MCF2L: variants seen among roughly 807,000 people sequenced by gnomAD.
MCF2L encodes the protein guanine nucleotide exchange factor DBS.
A neutral mutation model predicts 153.4 loss-of-function variants in MCF2L; 97 were observed. The ratio of observed to expected loss-of-function variants is 0.63; its 90% confidence interval spans 0.54 to 0.75. The LOEUF (loss-of-function observed/expected upper bound fraction) is 0.75, where lower values mean the gene tolerates loss of function less well. Among genes scored for constraint, MCF2L ranks in the 30% least tolerant of loss-of-function variants. The probability of loss-of-function intolerance (pLI) is 0.00; values close to 1 mark genes in which losing one functional copy is unlikely to be tolerated. For missense variants in MCF2L, 1,347 were observed against 1,495.2 expected, an observed-to-expected ratio of 0.90 and a Z score of 1.64; for synonymous variants, 659 against 632.2, an observed-to-expected ratio of 1.04 and a Z score of -0.64.
chr13:113,029,513 GGACCGTCCCAGAGGA>G (rs2085511484), intron 3 of MCF2L, among the ~76,000 whole-genome samples: 1 of 152,232 alleles, frequency 6.6e-6, no homozygotes. Flanking sequence ...TTGGCAGAGG[GGACCGTCCCAGAGGA>G]AGTCTCTGCA....
chr13:112,900,477 G>A (rs977456882), intron 1 of MCF2L, among the ~76,000 whole-genome samples: 1 of 152,256 alleles, frequency 6.6e-6, no homozygotes, highest in Non-Finnish European at 1.5e-5. Context: ...GAGCCAGGAC[G>A]TGTAACAAGT....
intron 1 of MCF2L, among the ~76,000 whole-genome samples, chr13:112,988,162 C>G (rs2082725061): frequency 6.6e-6 from 1 of 151,546 alleles, no homozygotes; most frequent in Non-Finnish European, 1.5e-5. Flanking sequence ...TGGCAGCGCA[C>G]ATGTACACAC....
intron 2 of MCF2L, among the ~76,000 whole-genome samples, chr13:112,949,162 C>T (rs2081666317): frequency 6.6e-6 from 1 of 152,214 alleles, no homozygotes; most frequent in South Asian, 2.1e-4. Flanking sequence ...AATTGGACTA[C>T]TTTCTTAAAA....
intron 1 of MCF2L, among the ~76,000 whole-genome samples, chr13:112,992,736 T>A (rs1275383754): frequency 6.6e-6 from 1 of 152,186 alleles, no homozygotes; most frequent in Non-Finnish European, 1.5e-5. Context: ...AACTTACCCT[T>A]CTCCCCTTGG....
rs116296382 is a variant in MCF2L at position 113,031,644 on chromosome 13, C to T, written c.278+6886C>T. Among the ~76,000 whole-genome samples, 2,772 of 151,928 alleles carry T rather than the reference C, an allele frequency of 0.018. 70 individuals are homozygous for T. Among genetic ancestry groups the T allele is most frequent in the African/African-American group, 0.062 (2,580 of 41,402 alleles). Reference sequence around the variant, plus strand: ...AGGGCGGCGGCCCTCAGAGAAGGGACGAGGTGGGAAGCCTGGAGCTTGCTG... The same window carrying T: ...AGGGCGGCGGCCCTCAGAGAAGGGATGAGGTGGGAAGCCTGGAGCTTGCTG... On this transcript the variant is annotated intron_variant, in intron 3 of 29. Coordinates refer to ENST00000535094, the MANE Select transcript of MCF2L (RefSeq NM_001112732.3). This position sits in a 1 kb window ranked among gnomAD's most constrained non-coding sequence, Gnocchi z 5.5.
At chr13:112,985,540 G>A in intron 1 of MCF2L, 1 of 457,930 alleles carries the variant, frequency 2.2e-6, no homozygotes, top group Middle Eastern at 3.3e-4. Flanking sequence ...AGTCGAGGCG[G>A]CCTCTGGGTG....
At position 113,074,570 on chromosome 13, in the gene MCF2L, CG is replaced by C; in HGVS notation, c.1116+11del. 6.2e-7 allele frequency: 1 copy of C among 1,612,538 alleles called. No homozygotes were observed. The highest frequency in any genetic ancestry group is 1.1e-5 in the South Asian group (1 of 91,070). On this transcript the variant is annotated splice_region_variant and intron_variant, in intron 10 of 29. Coordinates refer to ENST00000535094, the MANE Select transcript of MCF2L (RefSeq NM_001112732.3). The surrounding 1 kb of genome is among the most constrained non-coding windows in gnomAD (Gnocchi z 4.2). ...CTTCGAGGAGAAATCAGGCGTAAGGCGGGGTCCCGGCGGGGGCGGCGGGAGA... is the reference window on the plus strand; with the variant it reads ...CTTCGAGGAGAAATCAGGCGTAAGGCGGGTCCCGGCGGGGGCGGCGGGAGA...
Position 113,045,457 on chromosome 13 carries a change from T to C in MCF2L, c.369+96T>C. On this transcript the variant is annotated intron_variant, in intron 4 of 29. Transcript: ENST00000535094. This position sits in a 1 kb window ranked among gnomAD's most constrained non-coding sequence, Gnocchi z 4.2. ...CTCTGTGTCTGCCGCAGTTCCTGCT[T>C]TGTGCTGAGTGGGACAGAGCCCAGT... 2.7e-6 allele frequency: 3 copies of C among 1,101,432 alleles called. No homozygotes were observed. Among genetic ancestry groups the C allele is most frequent in the Non-Finnish European group, 4.1e-6 (3 of 733,648 alleles). The allele number at this position is 1,101,432 out of a possible 1,614,324, so 68.2% of individuals were successfully genotyped here.
At chr13:112,900,957 A>G (rs2081114254) in intron 1 of MCF2L, among the ~76,000 whole-genome samples, 2 of 151,950 alleles carry the variant, frequency 1.3e-5, no homozygotes, top group African/African-American at 4.8e-5. Flanking sequence ...AAAGGGGGAG[A>G]TGTCCCAGCA....
chr13:113,084,871 G>A (rs1003866209), intron 18 of MCF2L, 21 bp from the exon 19 acceptor site: 43 of 1,590,458 alleles, frequency 2.7e-5, no homozygotes, highest in African/African-American at 2.1e-4. Context: ...TGCGTGATGC[G>A]GTGCCTGTCC....
chr13:113,004,791 C>T (rs1463174603), intron 1 of MCF2L, among the ~76,000 whole-genome samples: 2 of 152,234 alleles, frequency 1.3e-5, no homozygotes, highest in African/African-American at 2.4e-5. Context: ...ACACGGACCA[C>T]GCGTGTGTTC....
intron 26 of MCF2L, among the ~76,000 whole-genome samples, chr13:113,092,945 C>T (rs1455882993): frequency 6.6e-6 from 1 of 152,254 alleles, no homozygotes; most frequent in Non-Finnish European, 1.5e-5. Context: ...AGGCCGGCCT[C>T]GCTGCCCCTG....
intron 1 of MCF2L, among the ~76,000 whole-genome samples, chr13:112,898,086 T>G (rs2081085100): frequency 6.6e-6 from 1 of 152,182 alleles, no homozygotes; most frequent in Admixed American, 6.5e-5. Flanking sequence ...CCACCTCTAC[T>G]CCACGTTATT....
At chr13:112,974,466 T>A (rs1252336234) in intron 1 of MCF2L, among the ~76,000 whole-genome samples, 2 of 152,224 alleles carry the variant, frequency 1.3e-5, no homozygotes, top group African/African-American at 4.8e-5. Flanking sequence ...GTTCTGCTGC[T>A]TTTCATAAGC....
intron 25 of MCF2L, 136 bp downstream of exon 25, chr13:113,088,764 T>C: frequency 2.3e-6 from 2 of 874,300 alleles, no homozygotes; most frequent in South Asian, 3.0e-5. Flanking sequence ...CTGGTGTTTA[T>C]GTGCTGACGG....
rs2081809812 is a variant in MCF2L at position 112,960,326 on chromosome 13, C to G, written c.170-54437C>G. Among the ~76,000 whole-genome samples, 1 of 152,198 alleles carries G rather than the reference C, an allele frequency of 6.6e-6. No homozygotes were observed. The highest frequency in any genetic ancestry group is 1.9e-4 in the East Asian group (1 of 5,178). Reference sequence around the variant, plus strand: ...CTCTCACAACTGAAACAGCGCTCGTCCAGTCATGAGGGCAGGGTCCTCAGA... The same window carrying G: ...CTCTCACAACTGAAACAGCGCTCGTGCAGTCATGAGGGCAGGGTCCTCAGA... On this transcript the variant is annotated intron_variant, in intron 2 of 29. Transcript: ENST00000375608. The surrounding 1 kb of genome is among the most constrained non-coding windows in gnomAD (Gnocchi z 4.2).
At chr13:112,915,410 C>CACAAAAAAAAAAAAAAAAAAA (rs1555349857) in intron 2 of MCF2L, among the ~76,000 whole-genome samples, 3 of 86,924 alleles carry the variant, frequency 3.5e-5, no homozygotes, top group African/African-American at 1.6e-4. Flanking sequence ...CTCTGTCTCA[C>CACAAAAAAAAAAAAAAAAAAA]AAAAAAAAAA....
chr13:113,010,255 C>CCCA (rs2084002424), intron 1 of MCF2L: 1 of 152,136 alleles, frequency 6.6e-6, no homozygotes, highest in Non-Finnish European at 1.5e-5. Flanking sequence ...CCTCCCACCC[C>CCCA]GCAACACCCC....
rs1281109099 is a variant in MCF2L at position 112,951,688 on chromosome 13, G to A, written c.169+49317G>A. Among the ~76,000 whole-genome samples, 1 of 152,226 alleles carries A rather than the reference G, an allele frequency of 6.6e-6. No individual in the cohort carries two copies. The highest frequency in any genetic ancestry group is 1.5e-5 in the Non-Finnish European group (1 of 68,042). ...GGGGTGATCTGGGAGGAACATGGGT[G>A]TGTCCAGGAGGGGCCACAAGAGGGT... On this transcript the variant is annotated intron_variant, in intron 2 of 29. Transcript: ENST00000375608. The surrounding 1 kb of genome is among the most constrained non-coding windows in gnomAD (Gnocchi z 4.8).
Sources: gnomAD v4.1 joint callset for allele counts (sites outside exome capture counted in the v4.1 genomes callset) on GRCh38, gnomAD v4.1.1 for gene constraint, Gnocchi (gnomAD v3.1) non-coding constraint, MANE v1.5 for transcripts, NCBI Gene and HGNC (gene_info 2026-07-23, HGNC 2026-07-21) for gene names.